SACM1L: variants seen among roughly 807,000 people sequenced by gnomAD.
SACM1L encodes phosphatidylinositol-3-phosphatase SAC1.
A neutral mutation model predicts 89.5 loss-of-function variants in SACM1L; 32 were observed. That is an observed-to-expected ratio of 0.36 (90% confidence interval 0.27 to 0.48). SACM1L has a LOEUF of 0.48. Among genes scored for constraint, SACM1L ranks in the 20% least tolerant of loss-of-function variants. SACM1L has a pLI of 0.99. For synonymous variants in SACM1L, 213 were observed against 232.8 expected, an observed-to-expected ratio of 0.92 and a Z score of 0.77; for missense variants, 543 against 708.5, an observed-to-expected ratio of 0.77 and a Z score of 2.65.
rs1384489470 is a variant in SACM1L at position 45,689,441 on chromosome 3, A to G, written c.-25A>G. The G allele has an allele frequency of 2.6e-6, 4 of 1,555,442 alleles. No homozygotes were observed. The highest frequency in any genetic ancestry group is 2.7e-5 in the African/African-American group (2 of 72,948). Reference sequence around the variant, plus strand: ...GGCGCGGGGCGGGGCGGGCGGAGAGAGAAGGAAGGAGGTGGTTGTGCAGGA... The same window carrying G: ...GGCGCGGGGCGGGGCGGGCGGAGAGGGAAGGAAGGAGGTGGTTGTGCAGGA... On this transcript the variant is annotated 5_prime_UTR_variant, in exon 1 of 20. Transcript: ENST00000389061.
At chr3:45,690,653 A>G (rs1323948111) in intron 1 of SACM1L, among the ~76,000 whole-genome samples, 2 of 152,080 alleles carry the variant, frequency 1.3e-5, no homozygotes, top group Non-Finnish European at 2.9e-5. Context: ...TCTACAGTGC[A>G]CCCCCTGTGG....
chr3:45,716,496 G>T (rs1432251195), intron 7 of SACM1L, among the ~76,000 whole-genome samples: 1 of 152,078 alleles, frequency 6.6e-6, no homozygotes, highest in African/African-American at 2.4e-5. Context: ...GGGAAAATTG[G>T]TGAAGGTGCA....
At chr3:45,733,119 C>G (rs1264907725) in intron 13 of SACM1L, among the ~76,000 whole-genome samples, 1 of 152,154 alleles carries the variant, frequency 6.6e-6, no homozygotes, top group Non-Finnish European at 1.5e-5. Flanking sequence ...TGGGTTCACC[C>G]ATTAACTGCT....
chr3:45,689,819 A>G (rs894424680), intron 1 of SACM1L: 24 of 516,852 alleles, frequency 4.6e-5, no homozygotes, highest in East Asian at 3.3e-5. Flanking sequence ...CCCACTTTCT[A>G]TGCAGAGCTA....
chr3:45,734,927 G>A, intron 13 of SACM1L: 1 of 231,332 alleles, frequency 4.3e-6, no homozygotes, highest in Non-Finnish European at 8.4e-6. Context: ...CCCTCATCTG[G>A]CTTTGGGAAA....
intron 19 of SACM1L, chr3:45,739,846 C>T (rs1394032571): frequency 1.7e-6 from 1 of 602,336 alleles, no homozygotes; most frequent in Non-Finnish European, 2.9e-6. Flanking sequence ...TTTTTTTTAA[C>T]CTCAGATTTT....
At position 45,739,016 on chromosome 3, in the gene SACM1L, C is replaced by G; in HGVS notation, c.1569+143C>G. The G allele has an allele frequency of 5.0e-6, 3 of 594,256 alleles. No individual in the cohort carries two copies. The South Asian group carries it at 6.6e-5, about 13-fold the overall frequency. The allele number at this position is 594,256 out of a possible 1,614,324, so 36.8% of individuals were successfully genotyped here. On this transcript the variant is annotated intron_variant, in intron 18 of 19. Coordinates refer to ENST00000389061, the MANE Select transcript of SACM1L (RefSeq NM_014016.5). The stretch of plus-strand genomic sequence containing the variant: ...AAATACTTAAGTTTTCCAAAGAGGT[C>G]AGGCTGAGGAGTACAGTAACTGTGG...
At chr3:45,717,725 C>T (rs924180477) in intron 7 of SACM1L, among the ~76,000 whole-genome samples, 1 of 152,190 alleles carries the variant, frequency 6.6e-6, no homozygotes, top group Non-Finnish European at 1.5e-5. Context: ...CCCCCCTGCT[C>T]CCCAGCCACA....
chr3:45,712,633 G>T, intron 5 of SACM1L, among the ~76,000 whole-genome samples: 1 of 152,172 alleles, frequency 6.6e-6, no homozygotes, highest in Admixed American at 6.5e-5. Context: ...TTAATTAGGG[G>T]CTGCCAGATC....
chr3:45,738,742 C>T, intron 17 of SACM1L, 39 bp from the exon 18 acceptor site: 1 of 1,532,992 alleles, frequency 6.5e-7, no homozygotes, highest in Non-Finnish European at 9.0e-7. Context: ...CTAATGTTAT[C>T]TCACACTGAG....
chr3:45,717,878 T>C (rs138456929), intron 7 of SACM1L, among the ~76,000 whole-genome samples: 3 of 152,344 alleles, frequency 2.0e-5, no homozygotes, highest in Non-Finnish European at 4.4e-5. Flanking sequence ...ATGGTGCCAC[T>C]GCACTCCAGC....
intron 7 of SACM1L, 50 bp from the exon 8 acceptor site, chr3:45,719,450 C>T (rs1698738829): frequency 9.5e-7 from 1 of 1,049,882 alleles, no homozygotes; most frequent in Admixed American, 2.3e-5. Flanking sequence ...AATCTAGAAA[C>T]AATGCTTATG....
At chr3:45,709,464 A>T (rs375509049) in intron 4 of SACM1L, 34 bp from the exon 5 acceptor site, 38 of 1,550,660 alleles carry the variant, frequency 2.5e-5, no homozygotes, top group Non-Finnish European at 3.2e-5. Flanking sequence ...TTCCTTTTCA[A>T]TTATGAGCTA....
chr3:45,729,115 C>T (rs1698989895), intron 11 of SACM1L, among the ~76,000 whole-genome samples: 1 of 151,932 alleles, frequency 6.6e-6, no homozygotes, highest in African/African-American at 2.4e-5. Flanking sequence ...GAGACAGAGT[C>T]TTATTCTGTC....
At chr3:45,726,723 TA>T (rs1698926674) in intron 11 of SACM1L, among the ~76,000 whole-genome samples, 1 of 152,110 alleles carries the variant, frequency 6.6e-6, no homozygotes, top group Admixed American at 6.5e-5. Context: ...TGATTTTTAT[TA>T]TTTCCTCCGG....
chr3:45,717,728 C>T lies in SACM1L; in HGVS notation c.578-1772C>T, dbSNP rs1698693400. 3.3e-5 allele frequency among the ~76,000 whole-genome samples: 5 copies of T among 152,186 alleles called. No homozygotes were observed. The South Asian group carries it at 1.0e-3, about 32-fold the overall frequency. ...CTTTCTGTCATACCCCCCTGCTCCC[C>T]AGCCACAGTGTGGCATACATTAAAA... On this transcript the variant is annotated intron_variant, in intron 7 of 19. Transcript: ENST00000389061.
chr3:45,712,962 G>A (rs1049674492), intron 5 of SACM1L, among the ~76,000 whole-genome samples, 175 bp from the exon 6 acceptor site: 2 of 152,226 alleles, frequency 1.3e-5, no homozygotes, highest in Non-Finnish European at 2.9e-5. Context: ...CTGAGACAAT[G>A]AGACAGAAAT....
At chr3:45,738,461 G>A in intron 16 of SACM1L, 117 bp from the exon 17 acceptor site, 1 of 613,736 alleles carries the variant, frequency 1.6e-6, no homozygotes. Flanking sequence ...GTATTTTCAG[G>A]GATAGTTTTT....
intron 14 of SACM1L, among the ~76,000 whole-genome samples, chr3:45,737,038 C>T (rs192074730): frequency 3.9e-5 from 6 of 152,064 alleles, no homozygotes; most frequent in African/African-American, 1.4e-4. Context: ...TGGTGGTCTC[C>T]AAAGGGGAGT....
Sources: allele counts gnomAD v4.1 joint callset (sites outside exome capture counted in the v4.1 genomes callset), GRCh38; gene constraint gnomAD v4.1.1; transcripts MANE v1.5; gene names NCBI Gene and HGNC (gene_info 2026-07-23, HGNC 2026-07-21).